The following ANO2 variants were observed in gnomAD, a reference collection of about 807,000 sequenced individuals.
ANO2 encodes anoctamin 2.
In ANO2, 101 loss-of-function variants were observed where a neutral mutation model predicts 124.2. The observed-to-expected ratio is 0.81, with a 90% CI of 0.69 to 0.96. The LOEUF (loss-of-function observed/expected upper bound fraction) is 0.96, where lower values mean the gene tolerates loss of function less well. ANO2 is among the 40% of genes least tolerant of loss of function. The probability of loss-of-function intolerance (pLI) is 0.00; values close to 1 mark genes in which losing one functional copy is unlikely to be tolerated. For synonymous variants in ANO2, 486 were observed against 482.5 expected (o/e 1.01, Z -0.09); for missense variants, 1,293 against 1,274.5 (o/e 1.01, Z -0.22).
Position 5,923,257 on chromosome 12 carries a change from T to TAC in ANO2, c.23-455_23-454dup, listed in dbSNP as rs34200084. Among the ~76,000 whole-genome samples, 153 of 74,266 alleles carry TAC rather than the reference T, an allele frequency of 2.1e-3. 2 individuals are homozygous for TAC. The highest frequency in any genetic ancestry group is 3.6e-3 in the Non-Finnish European group (112 of 31,488). The allele number at this position is 74,266 out of a possible 152,430, so 48.7% of individuals were successfully genotyped here. A position where few individuals can be genotyped will look rare whatever the true frequency, so the allele number is the denominator to read the frequency against. On this transcript the variant is annotated intron_variant, in intron 1 of 24. Transcript: ENST00000682330. ...ACATACACACACGCATACACACACA[T>TAC]ACACACACACACACACACACACGCA...
chr12:5,765,770 C>T (rs1251141278), intron 10 of ANO2, among the ~76,000 whole-genome samples: 1 of 152,082 alleles, frequency 6.6e-6, no homozygotes, highest in Non-Finnish European at 1.5e-5. Context: ...TTGTGAGTGA[C>T]AAAAACAGGC....
chr12:5,775,269 G>A (rs1396509712), intron 10 of ANO2, among the ~76,000 whole-genome samples: 3 of 151,562 alleles, frequency 2.0e-5, no homozygotes, highest in South Asian at 4.2e-4. Flanking sequence ...AAATAATTAC[G>A]TGCACACACA....
At chr12:5,719,696 G>T (rs1950151955) in intron 14 of ANO2, among the ~76,000 whole-genome samples, 1 of 152,200 alleles carries the variant, frequency 6.6e-6, no homozygotes, top group South Asian at 2.1e-4. Flanking sequence ...ATAAGTTTCT[G>T]TTGTCTAGAA....
intron 1 of ANO2, among the ~76,000 whole-genome samples, chr12:5,931,547 G>C (rs77559726): frequency 1.4e-5 from 2 of 143,476 alleles, no homozygotes; most frequent in Admixed American, 7.0e-5. Context: ...AGACTGGTAA[G>C]AAAGTGACTA....
rs1940532567 is a variant in ANO2, at chr12:5,904,401, A to C, written c.534+16639T>G. Among the ~76,000 whole-genome samples, 1 of 152,228 alleles carries C rather than the reference A, an allele frequency of 6.6e-6. No homozygotes were observed. The highest frequency in any genetic ancestry group is 1.5e-5 in the Non-Finnish European group (1 of 68,048). On this transcript the variant is annotated intron_variant, in intron 3 of 24. Coordinates refer to ENST00000682330, the MANE Select transcript of ANO2 (RefSeq NM_001364791.2). This position sits in a 1 kb window ranked among gnomAD's most constrained non-coding sequence, Gnocchi z 4.1. ...GGTCTGAATGAGTGGGATTGGAAGG[A>C]GGGAGAGTGATGGGAAAACCACATG...
rs138167836 is a variant in ANO2, at chr12:5,943,277, TTGTGTGTGTGTG to T, written c.22+1907_22+1918del. ...GGGATGTCTGTGTTTGAGTGTGTGT[TTGTGTGTGTGTG>T]TGTGTGTGTGTGTGTGTGTGTGTGT... On this transcript the variant is annotated intron_variant, in intron 1 of 24. Coordinates refer to ENST00000682330, the MANE Select transcript of ANO2 (RefSeq NM_001364791.2). Among the ~76,000 whole-genome samples, 732 of 148,476 alleles carry T rather than the reference TTGTGTGTGTGTG, an allele frequency of 4.9e-3. 3 individuals carry two copies. The highest frequency in any genetic ancestry group is 8.1e-3 in the Non-Finnish European group (547 of 67,140).
At chr12:5,841,639 C>T (rs936099625) in intron 4 of ANO2, among the ~76,000 whole-genome samples, 4 of 152,306 alleles carry the variant, frequency 2.6e-5, no homozygotes, top group East Asian at 3.9e-4. Context: ...TGGTTCCACA[C>T]GCAGTCCAGG....
chr12:5,869,540 C>G (rs1233233046), intron 3 of ANO2, among the ~76,000 whole-genome samples: 1 of 152,216 alleles, frequency 6.6e-6, no homozygotes, highest in Non-Finnish European at 1.5e-5. Flanking sequence ...GGTCAAAATT[C>G]TGTCTGAGAT....
intron 16 of ANO2, among the ~76,000 whole-genome samples, chr12:5,615,952 C>T (rs953552914): frequency 6.6e-6 from 1 of 152,044 alleles, no homozygotes; most frequent in Non-Finnish European, 1.5e-5. Flanking sequence ...ACTCATAGGT[C>T]ACGGGCCCTG....
intron 14 of ANO2, among the ~76,000 whole-genome samples, chr12:5,698,944 A>T (rs1490040724): frequency 3.9e-5 from 6 of 152,254 alleles, no homozygotes; most frequent in Non-Finnish European, 7.3e-5. Context: ...GGACTATGTG[A>T]AAAGACCAAA....
chr12:5,762,241 G>A (rs777192331), intron 10 of ANO2, among the ~76,000 whole-genome samples: 16 of 151,988 alleles, frequency 1.1e-4, no homozygotes, highest in Middle Eastern at 7.0e-3. Flanking sequence ...CTGAACATAA[G>A]GTTTAACTTT....
At chr12:5,584,747 T>TAGGAAAAGACAGTGAG (rs1178158607) in intron 20 of ANO2, among the ~76,000 whole-genome samples, 1 of 152,110 alleles carries the variant, frequency 6.6e-6, no homozygotes, top group African/African-American at 2.4e-5. Context: ...TACACATAAA[T>TAGGAAAAGACAGTGAG]AGGAAAAGAC....
intron 7 of ANO2, 112 bp downstream of exon 7, chr12:5,827,657 G>C: frequency 1.6e-6 from 2 of 1,265,328 alleles, no homozygotes; most frequent in Non-Finnish European, 2.2e-6. Context: ...CTCTCCGTGG[G>C]GGGCATTTGC....
At chr12:5,832,677 C>A in intron 4 of ANO2, 74 bp from the exon 5 acceptor site, 1 of 1,460,916 alleles carries the variant, frequency 6.8e-7, no homozygotes, top group Non-Finnish European at 9.2e-7. Context: ...CAAAAAAAAG[C>A]TGCATGGACA....
intron 1 of ANO2, among the ~76,000 whole-genome samples, chr12:5,938,854 T>A (rs1942768321): frequency 6.6e-6 from 1 of 151,518 alleles, no homozygotes. Context: ...TAAGCTAAGA[T>A]CCCAACCTTT....
At chr12:5,853,329 G>T (rs1196910365) in intron 4 of ANO2, among the ~76,000 whole-genome samples, 3 of 147,266 alleles carry the variant, frequency 2.0e-5, no homozygotes, top group South Asian at 2.2e-4. Context: ...ATTATGTATA[G>T]ACTATCCTGG....
intron 7 of ANO2, among the ~76,000 whole-genome samples, chr12:5,810,007 T>C (rs777146226): frequency 9.8e-5 from 15 of 152,342 alleles, no homozygotes; most frequent in Non-Finnish European, 2.2e-4. Context: ...AGACAGAAAG[T>C]CAAGGTAAAA....
chr12:5,771,009 G>A (rs573335608), intron 10 of ANO2, among the ~76,000 whole-genome samples: 13 of 152,232 alleles, frequency 8.5e-5, no homozygotes, highest in East Asian at 1.9e-4. Context: ...TTCCTGCTTC[G>A]TCTTTCCTCA....
chr12:5,745,521 G>A (rs989958124), intron 11 of ANO2, among the ~76,000 whole-genome samples: 1 of 152,214 alleles, frequency 6.6e-6, no homozygotes, highest in Admixed American at 6.5e-5. Context: ...TGCCCTGTGT[G>A]CTAAAGCCAG....
Sources: allele counts gnomAD v4.1 joint callset (sites outside exome capture counted in the v4.1 genomes callset), GRCh38; gene constraint gnomAD v4.1.1; non-coding constraint Gnocchi (gnomAD v3.1); transcripts MANE v1.5; gene names NCBI Gene and HGNC (gene_info 2026-07-23, HGNC 2026-07-21).